The following WDR7 variants were observed in gnomAD, a reference collection of about 807,000 sequenced individuals.
WDR7 encodes WD repeat domain 7.
WDR7 carries 46 observed loss-of-function variants against 169.4 expected under a neutral mutation model. The observed-to-expected ratio is 0.27, with a 90% CI of 0.21 to 0.35. WDR7 has a LOEUF of 0.35. Ranked by LOEUF, WDR7 falls within the 10% of genes least tolerant of loss-of-function variation. The pLI, the probability that WDR7 is intolerant of heterozygous loss-of-function variation, is 1.00. For missense variants in WDR7, 1,534 were observed against 1,859.3 expected, an observed-to-expected ratio of 0.83 and a Z score of 3.22; for synonymous variants, 612 against 666.8, an observed-to-expected ratio of 0.92 and a Z score of 1.27.
chr18:57,006,615 G>T (rs149388070), intron 26 of WDR7, among the ~76,000 whole-genome samples: 2 of 152,140 alleles, frequency 1.3e-5, no homozygotes, highest in African/African-American at 4.8e-5. Flanking sequence ...TTTAATTTTA[G>T]TGATAGGATA....
At chr18:56,666,284 A>G (rs559940649) in intron 1 of WDR7, among the ~76,000 whole-genome samples, 17 of 130,024 alleles carry the variant, frequency 1.3e-4, no homozygotes, top group Admixed American at 7.2e-4. Flanking sequence ...GCTCACTGCA[A>G]CCTCCGTCTC....
chr18:56,741,939 G>A (rs1332097702), intron 14 of WDR7, among the ~76,000 whole-genome samples: 12 of 152,080 alleles, frequency 7.9e-5, no homozygotes, highest in Admixed American at 7.9e-4. Context: ...TCTTCCTGAA[G>A]CCTAATAAAT....
intron 25 of WDR7, among the ~76,000 whole-genome samples, chr18:56,941,573 TA>T (rs2047035875): frequency 6.6e-6 from 1 of 152,206 alleles, no homozygotes; most frequent in Non-Finnish European, 1.5e-5. Context: ...AGGTTGAGGA[TA>T]GGAGTCTAGT....
At chr18:56,892,072 C>T (rs2046271691) in intron 21 of WDR7, among the ~76,000 whole-genome samples, 1 of 151,972 alleles carries the variant, frequency 6.6e-6, no homozygotes, top group Non-Finnish European at 1.5e-5. Context: ...TAATCTCATC[C>T]TACTTCTCCA....
At chr18:56,786,540 A>G (rs1039108381) in intron 19 of WDR7, among the ~76,000 whole-genome samples, 8 of 151,956 alleles carry the variant, frequency 5.3e-5, no homozygotes, top group Admixed American at 3.3e-4. Flanking sequence ...CAAAAAAAAA[A>G]ACAAAACAAA....
intron 27 of WDR7, among the ~76,000 whole-genome samples, chr18:57,024,027 T>G (rs541756612): frequency 1.2e-4 from 19 of 152,288 alleles, no homozygotes; most frequent in African/African-American, 4.1e-4. Flanking sequence ...TATATAAAAT[T>G]TATTAACTCT....
rs145555478 is a variant in WDR7, at chr18:56,655,048, T to C, written c.-20+3472T>C. On this transcript the variant is annotated intron_variant, in intron 1 of 27. Transcript: ENST00000254442. ...AACTCTATGGTTTTGTAGTAGTATG[T>C]TTTTTCCTCCTATATAAATAACTCT... Among the ~76,000 whole-genome samples the C allele has an allele frequency of 2.8e-3, 419 of 152,310 alleles. 1 individual carries two copies. The highest frequency in any genetic ancestry group is 0.018 in the East Asian group (92 of 5,190).
At chr18:56,985,710 ATTT>A (rs1243230079) in intron 26 of WDR7, among the ~76,000 whole-genome samples, 1 of 151,862 alleles carries the variant, frequency 6.6e-6, no homozygotes, top group African/African-American at 2.4e-5. Context: ...TATTTTATTA[ATTT>A]TTAATTATTT....
At chr18:56,774,087 G>T (rs1219012162) in intron 16 of WDR7, among the ~76,000 whole-genome samples, 1 of 151,836 alleles carries the variant, frequency 6.6e-6, no homozygotes, top group Non-Finnish European at 1.5e-5. Context: ...TATTGAAAAG[G>T]GCTACTTGTG....
intron 2 of WDR7, among the ~76,000 whole-genome samples, chr18:56,677,298 T>G (rs766752717): frequency 2.0e-5 from 3 of 152,192 alleles, no homozygotes; most frequent in Non-Finnish European, 4.4e-5. Context: ...CACTCTCCCC[T>G]GGCCTGTAAG....
Position 56,682,776 on chromosome 18 carries a change from T to C in WDR7, c.443T>C (p.Val148Ala). ...GTTGTGGATGCTACCAGCCTTGAAG[T>C]ATTATACTCCTTAGTATCAAAGATA... ...ILVVDATSLEVLYSLVSKISP... is the reference protein window; with the variant it reads ...ILVVDATSLEALYSLVSKISP... Residue 148 changes from valine (V) to alanine (A), a missense_variant, in exon 5 of 28, where the codon GTA becomes GCA. Transcript: ENST00000254442. 6.2e-7 allele frequency: 1 copy of C among 1,613,878 alleles called. No homozygotes were observed. Among genetic ancestry groups the C allele is most frequent in the Non-Finnish European group, 8.5e-7 (1 of 1,179,794 alleles).
chr18:56,972,485 A>T (rs956641873), intron 26 of WDR7, among the ~76,000 whole-genome samples: 2 of 152,168 alleles, frequency 1.3e-5, no homozygotes, highest in African/African-American at 4.8e-5. Flanking sequence ...GTGACATTTT[A>T]GGTATTTTCT....
intron 4 of WDR7, among the ~76,000 whole-genome samples, chr18:56,681,854 G>A (rs1350368920): frequency 6.6e-6 from 1 of 152,188 alleles, no homozygotes; most frequent in Non-Finnish European, 1.5e-5. Flanking sequence ...AGACATGACT[G>A]TTTCATATGC....
At chr18:56,850,803 G>A (rs1031417800) in intron 20 of WDR7, among the ~76,000 whole-genome samples, 3 of 152,132 alleles carry the variant, frequency 2.0e-5, no homozygotes, top group African/African-American at 7.2e-5. Flanking sequence ...GTGAGCCATT[G>A]TGCCTAGCTT....
At chr18:56,764,607 A>G (rs2044032744) in intron 16 of WDR7, among the ~76,000 whole-genome samples, 1 of 152,152 alleles carries the variant, frequency 6.6e-6, no homozygotes, top group Non-Finnish European at 1.5e-5. Context: ...GTTACTAACT[A>G]TAGTCTCCAT....
At chr18:56,660,881 G>C (rs1305270724) in intron 1 of WDR7, among the ~76,000 whole-genome samples, 1 of 152,182 alleles carries the variant, frequency 6.6e-6, no homozygotes, top group Non-Finnish European at 1.5e-5. Flanking sequence ...GTCAAGGGCA[G>C]TTTTTGTGAC....
intron 21 of WDR7, among the ~76,000 whole-genome samples, chr18:56,880,585 A>T (rs1026266865): frequency 2.6e-5 from 4 of 152,230 alleles, no homozygotes; most frequent in African/African-American, 9.6e-5. Flanking sequence ...TCTCCTTTCA[A>T]TAAATAAATT....
intron 25 of WDR7, among the ~76,000 whole-genome samples, chr18:56,946,159 T>A (rs998873270): frequency 1.3e-5 from 2 of 152,206 alleles, no homozygotes; most frequent in African/African-American, 4.8e-5. Context: ...CTAGTTTACA[T>A]CCCTAGATTG....
At chr18:56,865,876 A>G (rs1442679700) in intron 20 of WDR7, among the ~76,000 whole-genome samples, 1 of 152,186 alleles carries the variant, frequency 6.6e-6, no homozygotes, top group Non-Finnish European at 1.5e-5. Flanking sequence ...GCTTTGTACT[A>G]AATATATATA....
Sources: allele counts gnomAD v4.1 joint callset (sites outside exome capture counted in the v4.1 genomes callset), GRCh38; gene constraint gnomAD v4.1.1; transcripts MANE v1.5; gene names NCBI Gene and HGNC (gene_info 2026-07-23, HGNC 2026-07-21).